Variants in TSHR observed in about 807,000 individuals in gnomAD.
TSHR encodes thyroid stimulating hormone receptor.
In TSHR, 51 loss-of-function variants were observed where a neutral mutation model predicts 64.1. The ratio of observed to expected loss-of-function variants is 0.80; its 90% CI spans 0.64 to 1.01. The LOEUF (loss-of-function observed/expected upper bound fraction) is 1.01. Among genes scored for constraint, TSHR ranks in the 50% least tolerant of loss-of-function variants. The pLI, the probability that TSHR is intolerant of heterozygous loss-of-function variation, is 0.00. For synonymous variants in TSHR, 361 were observed against 361.9 expected, an observed-to-expected ratio of 1.00 and a Z score of 0.03; for missense variants, 877 against 942.8, an observed-to-expected ratio of 0.93 and a Z score of 0.91.
rs777243229 is a variant in TSHR, at chr14:81,048,531, T to G, written c.171-13617T>G. ...GCGAGTGTGTCCTGTAATGGAATGA[T>G]GTCAAAGGCTGGTTCCTACTTTGCT... On this transcript the variant is annotated intron_variant, in intron 1 of 9. Coordinates refer to ENST00000298171, the MANE Select transcript of TSHR (RefSeq NM_000369.5). Among the ~76,000 whole-genome samples the G allele has an allele frequency of 2.0e-5, 3 of 152,180 alleles. No individual in the cohort carries two copies. In the East Asian group the frequency reaches 5.8e-4, roughly 29 times the overall value.
chr14:81,058,683 A>C (rs917743800), intron 1 of TSHR, among the ~76,000 whole-genome samples: 2 of 152,244 alleles, frequency 1.3e-5, no homozygotes, highest in Admixed American at 1.3e-4. Flanking sequence ...TCTTTGGACA[A>C]AAGTGAAGCA....
intron 6 of TSHR, 69 bp from the exon 7 acceptor site, chr14:81,096,570 A>C (rs1265200299): frequency 2.7e-6 from 4 of 1,491,584 alleles, no homozygotes; most frequent in African/African-American, 1.4e-5. Context: ...AATATAGTCC[A>C]ACTCTCCAGA....
rs1267264574 is a variant in TSHR, at chr14:81,143,141, T to C, written c.1083T>C (p.Asp361=). 1 of 1,614,032 alleles carries C rather than the reference T, an allele frequency of 6.2e-7. No individual in the cohort carries two copies. The highest frequency in any genetic ancestry group is 1.3e-5 in the African/African-American group (1 of 74,908). ...HYYVFFEEQE[D]EIIGFGQELK... ...ACGTCTTCTTTGAAGAACAAGAGGA[T>C]GAGATCATTGGTTTTGGCCAGGAGC... Residue 361 remains aspartate (D), a synonymous_variant, in exon 10 of 10, where the codon GAT becomes GAC. Coordinates refer to ENST00000298171, the MANE Select transcript of TSHR (RefSeq NM_000369.5).
At chr14:81,025,849 A>C (rs762877912) in intron 1 of TSHR, among the ~76,000 whole-genome samples, 1 of 152,230 alleles carries the variant, frequency 6.6e-6, no homozygotes, top group Non-Finnish European at 1.5e-5. Flanking sequence ...ACCATAATAT[A>C]TATGAAGAAA....
At chr14:81,001,542 CT>C (rs1180042053) in intron 1 of TSHR, 1 of 525,130 alleles carries the variant, frequency 1.9e-6, no homozygotes, top group East Asian at 5.3e-5. Context: ...AAATTCAGCA[CT>C]CATTTTGGGC....
chr14:81,126,991 A>G (rs1355234710), intron 8 of TSHR, among the ~76,000 whole-genome samples: 3 of 152,232 alleles, frequency 2.0e-5, no homozygotes, highest in Non-Finnish European at 4.4e-5. Context: ...CATAGGACCA[A>G]ATAGTAAAGG....
intron 1 of TSHR, chr14:80,982,415 G>A: frequency 8.0e-7 from 1 of 1,247,546 alleles, no homozygotes; most frequent in Non-Finnish European, 1.1e-6. Context: ...CCTGAAATTG[G>A]TGCCCAGGTC....
chr14:81,002,635 T>C (rs977791997), intron 1 of TSHR, among the ~76,000 whole-genome samples: 5 of 152,228 alleles, frequency 3.3e-5, no homozygotes, highest in Admixed American at 2.6e-4. Flanking sequence ...TAGTTAACCC[T>C]CTATCCATTT....
chr14:81,090,911 G>T (rs1365103496), intron 4 of TSHR, among the ~76,000 whole-genome samples, 158 bp from the exon 5 acceptor site: 1 of 152,150 alleles, frequency 6.6e-6, no homozygotes, highest in Non-Finnish European at 1.5e-5. Context: ...ATCAGAACTT[G>T]CCCATAGTTA....
intron 5 of TSHR, among the ~76,000 whole-genome samples, chr14:81,091,771 G>A (rs1339343161): frequency 6.6e-6 from 1 of 152,238 alleles, no homozygotes; most frequent in Non-Finnish European, 1.5e-5. Flanking sequence ...TTTTGTCTGA[G>A]CAGTGTCTCA....
intron 8 of TSHR, among the ~76,000 whole-genome samples, chr14:81,128,667 C>T (rs1405644429): frequency 6.6e-6 from 1 of 152,156 alleles, no homozygotes; most frequent in Non-Finnish European, 1.5e-5. Context: ...CCCAGCCACA[C>T]TGAATAGGAC....
chr14:80,983,356 C>T lies in TSHR; in HGVS notation c.170+27506C>T, dbSNP rs550411611. On this transcript the variant is annotated intron_variant, in intron 1 of 9. Transcript: ENST00000298171. ...TTTTCAGAGCTTTTTCATTTGCCAT[C>T]CTTGAGAAAGTACAAAACCAGACAT... 20 of 1,091,492 alleles carry T rather than the reference C, an allele frequency of 1.8e-5. No individual in the cohort carries two copies. In the South Asian group the frequency reaches 2.7e-4, roughly 15 times the overall value. 67.6% of individuals were successfully genotyped at this position (1,091,492 alleles called of 1,614,324 possible).
At chr14:81,012,637 C>T (rs1351348163) in intron 1 of TSHR, 1 of 152,188 alleles carries the variant, frequency 6.6e-6, no homozygotes, top group African/African-American at 2.4e-5. Context: ...GCCATTCTAA[C>T]TGGTGTGAGA....
intron 1 of TSHR, among the ~76,000 whole-genome samples, chr14:81,034,012 C>G (rs1019006258): frequency 6.6e-6 from 1 of 152,162 alleles, no homozygotes; most frequent in Admixed American, 6.5e-5. Context: ...CAATTGCTGA[C>G]TAAAGTTTGG....
At chr14:81,020,251 G>GGA (rs1883673810) in intron 1 of TSHR, among the ~76,000 whole-genome samples, 1 of 152,172 alleles carries the variant, frequency 6.6e-6, no homozygotes, top group Non-Finnish European at 1.5e-5. Flanking sequence ...AAGACTGTGG[G>GGA]GAATTAGCAA....
intron 1 of TSHR, among the ~76,000 whole-genome samples, chr14:80,999,926 C>T (rs796909015): frequency 2.7e-4 from 39 of 142,844 alleles, no homozygotes; most frequent in South Asian, 8.8e-4. Flanking sequence ...AATTTTTTTT[C>T]TTTTTTTTCT....
chr14:81,019,415 G>A (rs1297683924), intron 1 of TSHR, among the ~76,000 whole-genome samples: 3 of 149,666 alleles, frequency 2.0e-5, no homozygotes, highest in African/African-American at 7.3e-5. Context: ...GATTGAACAG[G>A]CCAGAAAATG....
intron 8 of TSHR, among the ~76,000 whole-genome samples, chr14:81,110,334 C>T (rs1341569989): frequency 6.6e-6 from 1 of 152,088 alleles, no homozygotes; most frequent in African/African-American, 2.4e-5. Context: ...TCCAATCTGA[C>T]AGGTGGCCTC....
chr14:81,071,132 T>G (rs1047980504), intron 3 of TSHR, among the ~76,000 whole-genome samples: 6 of 152,214 alleles, frequency 3.9e-5, no homozygotes, highest in African/African-American at 1.4e-4. Flanking sequence ...AGAAAAATTG[T>G]GTTGTGATTT....
Sources: gnomAD v4.1 joint callset for allele counts (sites outside exome capture counted in the v4.1 genomes callset) on GRCh38, gnomAD v4.1.1 for gene constraint, MANE v1.5 for transcripts, NCBI Gene and HGNC (gene_info 2026-07-23, HGNC 2026-07-21) for gene names.